Variants in DYRK1A observed in about 807,000 individuals in gnomAD.
DYRK1A encodes the protein dual specificity tyrosine-phosphorylation-regulated kinase 1A.
Under a neutral mutation model 79.7 loss-of-function variants are expected in DYRK1A, and 9 were observed. The observed-to-expected ratio is 0.11, with a 90% CI of 0.07 to 0.20. The LOEUF (loss-of-function observed/expected upper bound fraction) is 0.20. Among genes scored for constraint, DYRK1A ranks in the 10% least tolerant of loss-of-function variants. The pLI is 1.00. For missense variants in DYRK1A, 622 were observed against 956.0 expected, an observed-to-expected ratio of 0.65 and a Z score of 4.61; for synonymous variants, 349 against 329.7, an observed-to-expected ratio of 1.06 and a Z score of -0.63.
chr21:37,442,050 C>G (rs2051122866), intron 2 of DYRK1A, among the ~76,000 whole-genome samples: 1 of 151,306 alleles, frequency 6.6e-6, no homozygotes, highest in South Asian at 2.1e-4. Context: ...TGTTGCTGCA[C>G]CATCTGCTCT....
chr21:37,375,454 T>A (rs2049518041), intron 1 of DYRK1A, among the ~76,000 whole-genome samples: 1 of 151,760 alleles, frequency 6.6e-6, no homozygotes, highest in Non-Finnish European at 1.5e-5. Context: ...TTCATTAGAT[T>A]AAGATAAAAT....
At position 37,506,464 on chromosome 21, in the gene DYRK1A, C is replaced by T; in HGVS notation, c.1644+241C>T. 3.2e-6 allele frequency: 4 copies of T among 1,241,132 alleles called. 1 individual carries two copies. The South Asian group carries it at 6.4e-5, about 20-fold the overall frequency. 76.9% of individuals were successfully genotyped at this position (1,241,132 alleles called of 1,614,324 possible). A position where few individuals can be genotyped will look rare whatever the true frequency, so the allele number is the denominator to read the frequency against. Reference sequence around the variant, plus strand: ...AGTTGTTGTTTTGAACAGTTTTTTTCCTGTGTTTATCTCATTTACCAAAGC... The same window carrying T: ...AGTTGTTGTTTTGAACAGTTTTTTTTCTGTGTTTATCTCATTTACCAAAGC... On this transcript the variant is annotated intron_variant, in intron 11 of 11. Transcript: ENST00000647188.
chr21:37,462,378 G>A (rs1464932599), intron 2 of DYRK1A, among the ~76,000 whole-genome samples: 6 of 152,164 alleles, frequency 3.9e-5, no homozygotes, highest in Non-Finnish European at 8.8e-5. Flanking sequence ...GTTAGAACAG[G>A]GGCCAGCCTT....
At chr21:37,500,159 T>C (rs1158471764) in intron 9 of DYRK1A, among the ~76,000 whole-genome samples, 1 of 152,114 alleles carries the variant, frequency 6.6e-6, no homozygotes, top group African/African-American at 2.4e-5. Flanking sequence ...CAGTTTTGTT[T>C]TTTCAACTGT....
At chr21:37,371,883 C>T (rs1030461753) in intron 1 of DYRK1A, among the ~76,000 whole-genome samples, 3 of 152,070 alleles carry the variant, frequency 2.0e-5, no homozygotes, top group African/African-American at 7.3e-5. Context: ...TAAATAACCC[C>T]CTAATTTTTC....
intron 2 of DYRK1A, among the ~76,000 whole-genome samples, chr21:37,435,102 G>T (rs1210890825): frequency 1.3e-5 from 2 of 152,200 alleles, no homozygotes; most frequent in South Asian, 2.1e-4. Context: ...TTTATAGTTG[G>T]TGTTAATTTT....
At chr21:37,495,841 C>CT (rs1399496282) in intron 8 of DYRK1A, among the ~76,000 whole-genome samples, 1 of 152,050 alleles carries the variant, frequency 6.6e-6, no homozygotes, top group African/African-American at 2.4e-5. Context: ...AAAACAGAAA[C>CT]TTTAAAACTT....
chr21:37,429,105 T>C (rs1035432321), intron 2 of DYRK1A, among the ~76,000 whole-genome samples: 39 of 152,242 alleles, frequency 2.6e-4, no homozygotes, highest in Non-Finnish European at 4.3e-4. Flanking sequence ...AAGTTAATTT[T>C]AATTTTTATA....
intron 1 of DYRK1A, among the ~76,000 whole-genome samples, chr21:37,377,094 C>T (rs1314724937): frequency 6.6e-6 from 1 of 152,124 alleles, no homozygotes; most frequent in Non-Finnish European, 1.5e-5. Flanking sequence ...ATACTAAACA[C>T]ACAGTTTTGC....
At chr21:37,388,919 CA>C (rs1281314994) in intron 1 of DYRK1A, among the ~76,000 whole-genome samples, 1 of 151,630 alleles carries the variant, frequency 6.6e-6, no homozygotes, top group African/African-American at 2.4e-5. Context: ...GCAGGGATTA[CA>C]GGTGTGAGCC....
At chr21:37,441,747 A>G (rs2051110947) in intron 2 of DYRK1A, among the ~76,000 whole-genome samples, 1 of 152,094 alleles carries the variant, frequency 6.6e-6, no homozygotes. Context: ...CTACATTACT[A>G]TTATTGTTTA....
intron 1 of DYRK1A, among the ~76,000 whole-genome samples, chr21:37,390,443 T>G (rs2148385479): frequency 6.6e-6 from 1 of 152,356 alleles, no homozygotes; most frequent in Admixed American, 6.5e-5. Context: ...AAGTAGCAGT[T>G]TAACATGGAG....
upstream of DYRK1A, among the ~76,000 whole-genome samples, chr21:37,366,474 C>G (rs868631765): frequency 3.7e-4 from 55 of 149,074 alleles, no homozygotes; most frequent in African/African-American, 1.3e-3. Context: ...CCGCCTCGCC[C>G]CCCCTTCCCC....
intron 3 of DYRK1A, among the ~76,000 whole-genome samples, chr21:37,476,614 A>C (rs1407379949): frequency 1.3e-5 from 2 of 152,252 alleles, no homozygotes; most frequent in African/African-American, 2.4e-5. Flanking sequence ...CTAAATGCTT[A>C]CAGCATTCAT....
At chr21:37,413,394 A>G (rs1455252021) in intron 1 of DYRK1A, among the ~76,000 whole-genome samples, 2 of 152,092 alleles carry the variant, frequency 1.3e-5, no homozygotes, top group Non-Finnish European at 2.9e-5. Context: ...TCAATTATAT[A>G]TTTACATTTT....
At chr21:37,465,970 C>T (rs567653800) in intron 2 of DYRK1A, among the ~76,000 whole-genome samples, 13 of 152,308 alleles carry the variant, frequency 8.5e-5, no homozygotes, top group African/African-American at 3.1e-4. Flanking sequence ...GGCATTGTCA[C>T]CTCCGCAAGA....
chr21:37,404,565 A>G (rs2050114435), intron 1 of DYRK1A, among the ~76,000 whole-genome samples: 1 of 152,060 alleles, frequency 6.6e-6, no homozygotes, highest in African/African-American at 2.4e-5. Context: ...AAGCTTTACC[A>G]AGCTTTACCT....
upstream of DYRK1A, chr21:37,366,267 C>A (rs113686884): frequency 0.19 from 27,352 of 147,362 alleles, 2,794 homozygotes; most frequent in East Asian, 0.35. Flanking sequence ...CCTCCTCCCC[C>A]TCCCCCGCCC....
chr21:37,416,260 GT>G (rs1454003592), intron 1 of DYRK1A, among the ~76,000 whole-genome samples: 1 of 145,004 alleles, frequency 6.9e-6, no homozygotes, highest in Non-Finnish European at 1.5e-5. Context: ...TTTCCCTGTA[GT>G]TTTACTAACC....
Sources: gnomAD v4.1 joint callset for allele counts (sites outside exome capture counted in the v4.1 genomes callset) on GRCh38, gnomAD v4.1.1 for gene constraint, MANE v1.5 for transcripts, NCBI Gene and HGNC (gene_info 2026-07-23, HGNC 2026-07-21) for gene names.